Variants in DLGAP1 observed in about 807,000 individuals in gnomAD.
The protein encoded by DLGAP1 is disks large-associated protein 1.
DLGAP1 carries 11 observed loss-of-function variants against 90.8 expected under a neutral mutation model. The ratio of observed to expected loss-of-function variants is 0.12; its 90% CI spans 0.08 to 0.20. The LOEUF is 0.20. Ranked by LOEUF, DLGAP1 falls within the 10% of genes least tolerant of loss-of-function variation. The probability of loss-of-function intolerance (pLI) is 1.00; values close to 1 mark genes in which losing one functional copy is unlikely to be tolerated. For missense variants in DLGAP1, 1,050 were observed against 1,333.8 expected, an observed-to-expected ratio of 0.79 and a Z score of 3.31; for synonymous variants, 558 against 540.7, an observed-to-expected ratio of 1.03 and a Z score of -0.44.
chr18:3,546,249 G>A (rs138784454), intron 9 of DLGAP1, among the ~76,000 whole-genome samples: 1 of 151,932 alleles, frequency 6.6e-6, no homozygotes, highest in African/African-American at 2.4e-5. Flanking sequence ...ATGGTGAAAC[G>A]CCTTCGCTAC....
chr18:3,743,245 G>C (rs776900100), intron 5 of DLGAP1, among the ~76,000 whole-genome samples: 7 of 152,100 alleles, frequency 4.6e-5, no homozygotes, highest in Non-Finnish European at 1.0e-4. Flanking sequence ...CCTGTCTGTA[G>C]AATTCCATAC....
intron 8 of DLGAP1, among the ~76,000 whole-genome samples, chr18:3,568,143 C>G (rs1216214879): frequency 6.6e-6 from 1 of 152,114 alleles, no homozygotes; most frequent in East Asian, 1.9e-4. Flanking sequence ...AAGTGTTCTG[C>G]CCGCCTGGGC....
At chr18:3,895,380 G>A (rs2071595990) in intron 3 of DLGAP1, among the ~76,000 whole-genome samples, 1 of 150,804 alleles carries the variant, frequency 6.6e-6, no homozygotes, top group African/African-American at 2.4e-5. Context: ...GAAACAAATT[G>A]TAGTAGAGGT....
chr18:3,663,498 G>A (rs1440385048), intron 7 of DLGAP1, among the ~76,000 whole-genome samples: 7 of 152,198 alleles, frequency 4.6e-5, no homozygotes, highest in African/African-American at 1.4e-4. Flanking sequence ...TGCTTTGGCC[G>A]TCACCAAGAA....
intron 3 of DLGAP1, among the ~76,000 whole-genome samples, chr18:3,907,862 G>A (rs1462303108): frequency 6.6e-6 from 1 of 152,186 alleles, no homozygotes; most frequent in Non-Finnish European, 1.5e-5. Context: ...GATGCTCAGT[G>A]AGCCTCCCAG....
At position 3,964,762 on chromosome 18, in the gene DLGAP1, C is replaced by T. The variant is rs560727631; in HGVS notation, c.-73+40354G>A. On this transcript the variant is annotated intron_variant, in intron 3 of 12. Coordinates refer to ENST00000315677, the MANE Select transcript of DLGAP1 (RefSeq NM_004746.4). ...AGAATACCAGGTGTGCTTTAACCAG[C>T]GAAGCATGTTATCAATCAAGGGTTT... Among the ~76,000 whole-genome samples the T allele has an allele frequency of 6.6e-5, 10 of 152,188 alleles. No individual in the cohort carries two copies. The South Asian group carries it at 2.1e-3, about 32-fold the overall frequency.
intron 2 of DLGAP1, among the ~76,000 whole-genome samples, chr18:4,050,817 T>A (rs1374465242): frequency 1.3e-5 from 2 of 151,168 alleles, no homozygotes; most frequent in East Asian, 1.9e-4. Flanking sequence ...CTTTGAAAGA[T>A]GTGAGCTCAT....
intron 1 of DLGAP1, among the ~76,000 whole-genome samples, chr18:4,283,010 C>T (rs973979826): frequency 4.7e-5 from 7 of 148,792 alleles, no homozygotes; most frequent in Admixed American, 1.3e-4. Context: ...CTTGTTTTGA[C>T]ATTATGCCGT....
intron 4 of DLGAP1, among the ~76,000 whole-genome samples, chr18:3,848,794 G>C (rs916057811): frequency 1.3e-5 from 2 of 152,104 alleles, no homozygotes; most frequent in African/African-American, 4.8e-5. Flanking sequence ...CCATTTTCTT[G>C]CACCTGGATA....
At chr18:3,600,989 T>TATATATAGATATATAGATAGATATATAG (rs2056972508) in intron 7 of DLGAP1, among the ~76,000 whole-genome samples, 9 of 50,722 alleles carry the variant, frequency 1.8e-4, no homozygotes, top group Middle Eastern at 9.8e-3. Context: ...TAGATATAGA[T>TATATATAGATATATAGATAGATATATAG]ATATAGATAT....
chr18:4,062,145 C>T (rs1013181781), intron 2 of DLGAP1, among the ~76,000 whole-genome samples: 2 of 152,106 alleles, frequency 1.3e-5, no homozygotes, highest in African/African-American at 4.8e-5. Flanking sequence ...GAGCATATTT[C>T]TTTCTACCTG....
intron 2 of DLGAP1, among the ~76,000 whole-genome samples, chr18:4,023,756 T>C (rs557553784): frequency 2.6e-5 from 4 of 152,322 alleles, no homozygotes; most frequent in Non-Finnish European, 4.4e-5. Context: ...AAATAGGAGA[T>C]GGAAGACCAC....
intron 1 of DLGAP1, chr18:4,264,975 C>G (rs1005202633): frequency 6.6e-6 from 1 of 152,210 alleles, no homozygotes; most frequent in Non-Finnish European, 1.5e-5. Context: ...CCAGTGCTCC[C>G]CTGCCTAGCC....
At chr18:3,874,582 C>T (rs1568270272) in intron 4 of DLGAP1, 36 of 1,509,860 alleles carry the variant, frequency 2.4e-5, no homozygotes, top group Non-Finnish European at 3.1e-5. Flanking sequence ...GAACCTCTTC[C>T]TATTTTATTT....
chr18:4,372,019 C>T (rs145618948), intron 1 of DLGAP1, among the ~76,000 whole-genome samples: 118 of 152,344 alleles, frequency 7.7e-4, no homozygotes, highest in African/African-American at 2.2e-3. Flanking sequence ...AATTACACTA[C>T]AGCACATGCT....
intron 10 of DLGAP1, among the ~76,000 whole-genome samples, chr18:3,532,234 C>T (rs1599091658): frequency 1.3e-5 from 2 of 152,192 alleles, no homozygotes; most frequent in Non-Finnish European, 2.9e-5. Context: ...AAGCAGGTGA[C>T]GAGTACATGG....
chr18:4,325,892 C>T (rs2080806252), intron 1 of DLGAP1, among the ~76,000 whole-genome samples: 1 of 151,964 alleles, frequency 6.6e-6, no homozygotes, highest in Non-Finnish European at 1.5e-5. Flanking sequence ...AATGTAAAAC[C>T]TAAAACTATA....
chr18:4,439,982 T>C (rs751068011), intron 1 of DLGAP1, among the ~76,000 whole-genome samples: 18 of 150,894 alleles, frequency 1.2e-4, no homozygotes, highest in Non-Finnish European at 2.5e-4. Flanking sequence ...TAGCCAGGCG[T>C]GGTGGCAGGT....
rs1486801865 is a variant in DLGAP1, at chr18:4,454,213, C to A, written c.-267+793G>T. 6.6e-6 allele frequency among the ~76,000 whole-genome samples: 1 copy of A among 152,202 alleles called. No homozygotes were observed. The highest frequency in any genetic ancestry group is 2.4e-5 in the African/African-American group (1 of 41,468). ...CCGAAGGTGCCTCTCCCAGCTGCAGCCGCCCCTCAATGAAAGTGCAATGTG... is the reference window on the plus strand; with the variant it reads ...CCGAAGGTGCCTCTCCCAGCTGCAGACGCCCCTCAATGAAAGTGCAATGTG... On this transcript the variant is annotated intron_variant, in intron 1 of 12. Transcript: ENST00000315677. This position sits in a 1 kb window ranked among gnomAD's most constrained non-coding sequence, Gnocchi z 4.7.
Sources: gnomAD v4.1 joint callset for allele counts (sites outside exome capture counted in the v4.1 genomes callset) on GRCh38, gnomAD v4.1.1 for gene constraint, Gnocchi (gnomAD v3.1) non-coding constraint, MANE v1.5 for transcripts, NCBI Gene and HGNC (gene_info 2026-07-23, HGNC 2026-07-21) for gene names.